CAMSAP1: variants seen among roughly 807,000 people sequenced by gnomAD.
The protein encoded by CAMSAP1 is calmodulin regulated spectrin associated protein 1.
In CAMSAP1, 58 loss-of-function variants were observed where a neutral mutation model predicts 143.5. The observed-to-expected ratio is 0.40, with a 90% CI of 0.33 to 0.50. The LOEUF (loss-of-function observed/expected upper bound fraction) is 0.50. CAMSAP1 is among the 20% of genes least tolerant of loss of function. The pLI is 0.45. For synonymous variants in CAMSAP1, 945 were observed against 859.3 expected (o/e 1.10, Z -1.74); for missense variants, 1,969 against 2,115.7 (o/e 0.93, Z 1.36).
At chr9:135,881,370 A>G (rs952706635) in intron 3 of CAMSAP1, among the ~76,000 whole-genome samples, 1 of 152,004 alleles carries the variant, frequency 6.6e-6, no homozygotes, top group African/African-American at 2.4e-5. Flanking sequence ...AAAAAAAAAA[A>G]AAATTTAAAG....
At chr9:135,885,583 G>A (rs969397406) in intron 1 of CAMSAP1, among the ~76,000 whole-genome samples, 3 of 152,168 alleles carry the variant, frequency 2.0e-5, no homozygotes, top group Non-Finnish European at 4.4e-5. Flanking sequence ...CAGAAACCTG[G>A]CCAGACAGGA....
At position 135,901,507 on chromosome 9, in the gene CAMSAP1, G is replaced by A. The variant is rs147992860; in HGVS notation, c.160+5493C>T. Among the ~76,000 whole-genome samples the A allele has an allele frequency of 5.0e-3, 763 of 152,156 alleles. 2 individuals are homozygous for A. The highest frequency in any genetic ancestry group is 8.2e-3 in the Non-Finnish European group (557 of 67,994). On this transcript the variant is annotated intron_variant, in intron 1 of 16. Coordinates refer to ENST00000389532, the MANE Select transcript of CAMSAP1 (RefSeq NM_015447.4). ...GTCCTAGCTGTGATCCTAGCAACTC[G>A]GGAGGCTGAGGTGGGAGGATCACTT...
chr9:135,850,204 A>G lies in CAMSAP1; in HGVS notation c.978T>C (p.Leu326=), dbSNP rs768844481. 1.2e-6 allele frequency: 2 copies of G among 1,613,034 alleles called. No individual in the cohort carries two copies. Among genetic ancestry groups the G allele is most frequent in the Non-Finnish European group, 1.7e-6 (2 of 1,179,582 alleles). ...GCTTGACATTCTCGAACCACCAAAA[A>G]AGCTCCGCAATAAAAACCATAACAT... ...KPNVMVFIAE[L]FWWFENVKPD... Residue 326 remains leucine, a synonymous_variant, in exon 7 of 17, where the codon CTT becomes CTC. Coordinates refer to ENST00000389532, the MANE Select transcript of CAMSAP1 (RefSeq NM_015447.4).
chr9:135,815,463 T>TAA (rs577087285), intron 15 of CAMSAP1, among the ~76,000 whole-genome samples: 1 of 151,928 alleles, frequency 6.6e-6, no homozygotes, highest in African/African-American at 2.4e-5. Context: ...GTCTTAACTA[T>TAA]AAAAAAAAGA....
At position 135,907,497 on chromosome 9, in the gene CAMSAP1, G is replaced by A. The variant is rs1490085035; in HGVS notation, c.-338C>T. On this transcript the variant is annotated 5_prime_UTR_variant, in exon 1 of 17. Coordinates refer to ENST00000389532, the MANE Select transcript of CAMSAP1 (RefSeq NM_015447.4). ...GCGTGCGCGGTCCCGGGTGAGCGGC[G>A]GCGGCGGCGACAGCGGCTGAGGCGG... Among the ~76,000 whole-genome samples the A allele has an allele frequency of 5.4e-5, 8 of 148,044 alleles. No individual in the cohort carries two copies. The highest frequency in any genetic ancestry group is 1.1e-4 in the Non-Finnish European group (7 of 66,306).
chr9:135,825,050 C>A (rs182463155), intron 8 of CAMSAP1, among the ~76,000 whole-genome samples, 170 bp from the exon 9 acceptor site: 18 of 152,236 alleles, frequency 1.2e-4, no homozygotes, highest in Non-Finnish European at 2.1e-4. Context: ...CAGGAACTTC[C>A]AACCTGGGAT....
At chr9:135,904,839 C>T (rs1838725047) in intron 1 of CAMSAP1, among the ~76,000 whole-genome samples, 1 of 152,198 alleles carries the variant, frequency 6.6e-6, no homozygotes, top group Admixed American at 6.5e-5. Context: ...GGGGCGCACG[C>T]CTGTAATCCC....
chr9:135,814,070 A>G (rs1242466900), intron 16 of CAMSAP1, among the ~76,000 whole-genome samples: 1 of 152,192 alleles, frequency 6.6e-6, no homozygotes, highest in Non-Finnish European at 1.5e-5. Context: ...CTCCGCATGC[A>G]GGGTGATCCT....
intron 1 of CAMSAP1, among the ~76,000 whole-genome samples, chr9:135,894,301 C>T (rs993918363): frequency 2.6e-5 from 4 of 152,214 alleles, no homozygotes; most frequent in Non-Finnish European, 5.9e-5. Context: ...CTAGGAGGCA[C>T]TCTCCTTCCC....
intron 1 of CAMSAP1, among the ~76,000 whole-genome samples, chr9:135,891,038 G>C (rs1400417604): frequency 4.6e-5 from 7 of 152,192 alleles, no homozygotes; most frequent in African/African-American, 1.7e-4. Context: ...CCAAAACAGG[G>C]GACTCCTCAG....
intron 8 of CAMSAP1, among the ~76,000 whole-genome samples, chr9:135,825,314 C>T (rs1269935197): frequency 7.2e-5 from 11 of 152,258 alleles, no homozygotes; most frequent in African/African-American, 2.6e-4. Flanking sequence ...TACTAAGCCA[C>T]CACTGTGAAG....
chr9:135,820,832 C>A lies in CAMSAP1; in HGVS notation c.3822+7G>T. On this transcript the variant is annotated splice_region_variant and intron_variant, in intron 11 of 16. Transcript: ENST00000389532. The surrounding 1 kb of genome is among the most constrained non-coding windows in gnomAD (Gnocchi z 4.4). ...AGTGCCTGAAACAGATGCTACCAAT[C>A]CCTTACCTTGAAGAAGAAGCCGACC... The A allele has an allele frequency of 6.2e-7, 1 of 1,611,818 alleles. No individual in the cohort carries two copies. The highest frequency in any genetic ancestry group is 8.5e-7 in the Non-Finnish European group (1 of 1,179,614).
In CAMSAP1 at chr9:135,850,165, C is replaced by T; in HGVS notation, c.1017G>A (p.Gln339=). The change falls in exon 7 of 17, where the codon CAG becomes CAA. Residue 339 remains glutamine, a synonymous_variant. Coordinates refer to ENST00000389532, the MANE Select transcript of CAMSAP1 (RefSeq NM_015447.4). ...CTTTCAGCTCCTGAACATCCCTGGG[C>T]TGAACAAAATCTGGCTTGACATTCT... is the stretch of plus-strand genomic sequence containing the variant. ...WFENVKPDFV[Q]PRDVQELKDA... is the part of the protein sequence containing the mutation. 6.2e-7 allele frequency: 1 copy of T among 1,611,698 alleles called. No individual in the cohort carries two copies. The highest frequency in any genetic ancestry group is 8.5e-7 in the Non-Finnish European group (1 of 1,179,002).
At chr9:135,868,426 C>T (rs999279339) in intron 3 of CAMSAP1, among the ~76,000 whole-genome samples, 4 of 151,266 alleles carry the variant, frequency 2.6e-5, no homozygotes, top group African/African-American at 9.7e-5. Flanking sequence ...AAGACATCAT[C>T]TCAAAACCAA....
At position 135,882,354 on chromosome 9, in the gene CAMSAP1, G is replaced by A. The variant is rs1837988982; in HGVS notation, c.423+462C>T. ...ACAAAGGCAGTGCAGGAGGCACCGA[G>A]AATGGCCCTGACCCAGAACGCTCTG... On this transcript the variant is annotated intron_variant, in intron 2 of 16. Coordinates refer to ENST00000389532, the MANE Select transcript of CAMSAP1 (RefSeq NM_015447.4). The surrounding 1 kb of genome is among the most constrained non-coding windows in gnomAD (Gnocchi z 4.9). Among the ~76,000 whole-genome samples the A allele has an allele frequency of 6.6e-6, 1 of 152,154 alleles. No homozygotes were observed. Among genetic ancestry groups the A allele is most frequent in the Non-Finnish European group, 1.5e-5 (1 of 68,030 alleles).
chr9:135,813,852 C>T (rs1422420964), intron 16 of CAMSAP1, among the ~76,000 whole-genome samples: 1 of 152,234 alleles, frequency 6.6e-6, no homozygotes, highest in African/African-American at 2.4e-5. Context: ...GAGCTCAGGG[C>T]ATCCAGTCTC....
intron 7 of CAMSAP1, among the ~76,000 whole-genome samples, chr9:135,847,379 A>C (rs1836593568): frequency 6.6e-6 from 1 of 152,058 alleles, no homozygotes; most frequent in South Asian, 2.1e-4. Context: ...AATAAAAAAA[A>C]GTAAATCATC....
At chr9:135,841,781 A>G (rs1227608037) in intron 7 of CAMSAP1, among the ~76,000 whole-genome samples, 1 of 152,246 alleles carries the variant, frequency 6.6e-6, no homozygotes, top group Non-Finnish European at 1.5e-5. Flanking sequence ...AAGGAAAAGT[A>G]ACAGAAAGGA....
chr9:135,849,542 T>C (rs1276829726), intron 7 of CAMSAP1, among the ~76,000 whole-genome samples: 1 of 152,238 alleles, frequency 6.6e-6, no homozygotes, highest in East Asian at 1.9e-4. Context: ...TTTTTTCTTA[T>C]GGCTATGAAT....
Sources: gnomAD v4.1 joint callset for allele counts (sites outside exome capture counted in the v4.1 genomes callset) on GRCh38, gnomAD v4.1.1 for gene constraint, Gnocchi (gnomAD v3.1) non-coding constraint, MANE v1.5 for transcripts, NCBI Gene and HGNC (gene_info 2026-07-23, HGNC 2026-07-21) for gene names.